The following RBFOX1 variants were observed in gnomAD, a reference collection of about 807,000 sequenced individuals.
RBFOX1 encodes the protein RNA binding fox-1 homolog 1.
Under a neutral mutation model 57.7 loss-of-function variants are expected in RBFOX1, and 8 were observed. The ratio of observed to expected loss-of-function variants is 0.14; its 90% confidence interval spans 0.08 to 0.25. The LOEUF is 0.25. RBFOX1 is among the 10% of genes least tolerant of loss of function. The probability of loss-of-function intolerance (pLI) is 1.00; values close to 1 mark genes in which losing one functional copy is unlikely to be tolerated. For missense variants in RBFOX1, 611 were observed against 548.5 expected (o/e 1.11, Z -1.14); for synonymous variants, 326 against 222.4 (o/e 1.47, Z -4.15).
intron 6 of RBFOX1, 138 bp from the exon 7 acceptor site, chr16:7,587,109 C>T: frequency 6.3e-6 from 7 of 1,109,342 alleles, no homozygotes; most frequent in Non-Finnish European, 8.1e-6. Context: ...GTTTCAAGCA[C>T]ATTAACCATA....
intron 3 of RBFOX1, among the ~76,000 whole-genome samples, chr16:6,952,000 G>C (rs1190248773): frequency 6.6e-6 from 1 of 152,180 alleles, no homozygotes; most frequent in Non-Finnish European, 1.5e-5. Context: ...TTACCAAAAA[G>C]CATATTAACA....
At chr16:6,305,361 A>T (rs2079370507) in intron 1 of RBFOX1, among the ~76,000 whole-genome samples, 1 of 152,136 alleles carries the variant, frequency 6.6e-6, no homozygotes, top group Non-Finnish European at 1.5e-5. Context: ...GCTGCATGCA[A>T]ATTGTTTATC....
intron 1 of RBFOX1, among the ~76,000 whole-genome samples, chr16:5,303,759 C>G (rs1383538399): frequency 6.7e-6 from 1 of 149,928 alleles, no homozygotes; most frequent in Non-Finnish European, 1.5e-5. Context: ...TTCTGAATCT[C>G]TTGTACCTGG....
chr16:7,319,026 G>C (rs2096495501), intron 4 of RBFOX1, among the ~76,000 whole-genome samples: 1 of 152,172 alleles, frequency 6.6e-6, no homozygotes, highest in Non-Finnish European at 1.5e-5. Context: ...TCATTGGTAA[G>C]TTTTAGATGG....
intron 2 of RBFOX1, among the ~76,000 whole-genome samples, chr16:6,489,690 C>G (rs912869529): frequency 4.6e-5 from 7 of 152,128 alleles, no homozygotes; most frequent in African/African-American, 1.7e-4. Context: ...AACGGACTTA[C>G]CTGTTTTTGA....
intron 1 of RBFOX1, among the ~76,000 whole-genome samples, chr16:6,299,450 C>G (rs561555369): frequency 7.9e-5 from 12 of 152,136 alleles, no homozygotes; most frequent in Non-Finnish European, 1.6e-4. Flanking sequence ...GATTGAAGCT[C>G]AGAGAGGTCG....
chr16:6,429,282 C>T (rs576475584), intron 2 of RBFOX1, among the ~76,000 whole-genome samples: 2 of 152,334 alleles, frequency 1.3e-5, no homozygotes, highest in South Asian at 2.1e-4. Flanking sequence ...TGGCATCAGC[C>T]GTGCACACGG....
intron 3 of RBFOX1, among the ~76,000 whole-genome samples, chr16:5,693,620 C>A (rs2050761172): frequency 6.6e-6 from 1 of 152,148 alleles, no homozygotes; most frequent in South Asian, 2.1e-4. Context: ...TGATGGATTT[C>A]AGTGTGGGTG....
At chr16:6,837,623 C>T (rs890132229) in intron 3 of RBFOX1, among the ~76,000 whole-genome samples, 1 of 152,182 alleles carries the variant, frequency 6.6e-6, no homozygotes, top group African/African-American at 2.4e-5. Context: ...GGGCAAGTCG[C>T]TCAATCTCTC....
intron 4 of RBFOX1, among the ~76,000 whole-genome samples, chr16:7,362,729 T>C (rs2097353290): frequency 6.6e-6 from 1 of 152,150 alleles, no homozygotes; most frequent in South Asian, 2.1e-4. Context: ...GTGCATGTTC[T>C]TGTATATATG....
At chr16:5,731,222 C>T (rs534326524) in intron 3 of RBFOX1, among the ~76,000 whole-genome samples, 2 of 151,946 alleles carry the variant, frequency 1.3e-5, no homozygotes, top group South Asian at 4.2e-4. Context: ...TCATCAACAA[C>T]ACTATCATTG....
chr16:5,745,513 G>A (rs966575538), intron 3 of RBFOX1, among the ~76,000 whole-genome samples: 1 of 152,140 alleles, frequency 6.6e-6, no homozygotes, highest in Non-Finnish European at 1.5e-5. Context: ...TTGAGGAATC[G>A]CCTTACTGTC....
At chr16:6,053,067 T>G (rs1340747448) in intron 1 of RBFOX1, among the ~76,000 whole-genome samples, 1 of 152,110 alleles carries the variant, frequency 6.6e-6, no homozygotes, top group East Asian at 1.9e-4. Context: ...ATTGGGAAGT[T>G]TTTCAGGGGA....
At chr16:7,221,781 G>A (rs967540237) in intron 4 of RBFOX1, among the ~76,000 whole-genome samples, 2 of 152,168 alleles carry the variant, frequency 1.3e-5, no homozygotes, top group African/African-American at 2.4e-5. Flanking sequence ...CTACCAGAAT[G>A]GTCTTATCTT....
At position 6,504,408 on chromosome 16, in the gene RBFOX1, C is replaced by T. The variant is rs544200092; in HGVS notation, c.-63-150195C>T. Among the ~76,000 whole-genome samples the T allele has an allele frequency of 2.0e-5, 3 of 152,314 alleles. No homozygotes were observed. In the East Asian group the frequency reaches 5.8e-4, roughly 29 times the overall value. On this transcript the variant is annotated intron_variant, in intron 2 of 15. Coordinates refer to ENST00000550418, the MANE Select transcript of RBFOX1 (RefSeq NM_018723.4). ...GTGTTTGCTTTTCTGATTCTGCTGG[C>T]ACTGGTGTATGCTTCACCATTGGTT...
intron 2 of RBFOX1, among the ~76,000 whole-genome samples, chr16:5,510,113 G>C (rs1449542446): frequency 6.6e-6 from 1 of 152,216 alleles, no homozygotes; most frequent in African/African-American, 2.4e-5. Flanking sequence ...AATGGATGCA[G>C]GCTGAACCTA....
At chr16:6,653,833 T>C (rs987578486) in intron 2 of RBFOX1, among the ~76,000 whole-genome samples, 2 of 150,066 alleles carry the variant, frequency 1.3e-5, no homozygotes, top group African/African-American at 4.9e-5. Flanking sequence ...GGATGCAGGA[T>C]AGATGGATGA....
At chr16:7,295,472 A>T (rs934548173) in intron 4 of RBFOX1, among the ~76,000 whole-genome samples, 19 of 152,144 alleles carry the variant, frequency 1.2e-4, no homozygotes, top group African/African-American at 3.6e-4. Context: ...CACCATTTTT[A>T]TGACTTATAT....
intron 3 of RBFOX1, among the ~76,000 whole-genome samples, chr16:6,946,278 C>A (rs969168827): frequency 4.6e-5 from 7 of 152,324 alleles, no homozygotes; most frequent in African/African-American, 1.7e-4. Context: ...TAGCCATAGA[C>A]AATAACATAT....
Sources: gnomAD v4.1 joint callset for allele counts (sites outside exome capture counted in the v4.1 genomes callset) on GRCh38, gnomAD v4.1.1 for gene constraint, MANE v1.5 for transcripts, NCBI Gene and HGNC (gene_info 2026-07-23, HGNC 2026-07-21) for gene names.